Variants in FANCD2 observed in about 807,000 individuals in gnomAD.
The protein encoded by FANCD2 is FA complementation group D2.
A neutral mutation model predicts 192.3 loss-of-function variants in FANCD2; 131 were observed. That is an observed-to-expected ratio of 0.68 (90% CI 0.59 to 0.79). The LOEUF (loss-of-function observed/expected upper bound fraction) is 0.79. FANCD2 is among the 30% of genes least tolerant of loss of function. The pLI, the probability that FANCD2 is intolerant of heterozygous loss-of-function variation, is 0.00. For synonymous variants in FANCD2, 524 were observed against 612.5 expected (o/e 0.86, Z 2.13); for missense variants, 1,508 against 1,701.6 (o/e 0.89, Z 2.00).
chr3:10,064,726 C>T lies in FANCD2; in HGVS notation c.2022-3C>T, dbSNP rs1399691985. 8 of 1,614,096 alleles carry T rather than the reference C, an allele frequency of 5.0e-6. No homozygotes were observed. The highest frequency in any genetic ancestry group is 1.3e-5 in the African/African-American group (1 of 75,060). ...AACATCAGATTCTGGTTTTTCTCCG[C>T]AGTGACTTTCCATTTCCTGTGAAAG... On this transcript the variant is annotated splice_region_variant and splice_polypyrimidine_tract_variant and intron_variant, in intron 22 of 43. Transcript: ENST00000675286.
At chr3:10,056,753 A>AT (rs2125021370) in intron 18 of FANCD2, among the ~76,000 whole-genome samples, 2 of 151,992 alleles carry the variant, frequency 1.3e-5, no homozygotes, top group African/African-American at 4.8e-5. Flanking sequence ...TTGTGGTTTG[A>AT]TTTGCATTTT....
chr3:10,066,684 A>T (rs890022635), intron 25 of FANCD2, among the ~76,000 whole-genome samples: 1 of 152,148 alleles, frequency 6.6e-6, no homozygotes, highest in Admixed American at 6.5e-5. Context: ...CTTGTAACAT[A>T]ACTAGTAATA....
At position 10,101,226 on chromosome 3, in the gene FANCD2, G is replaced by T. The variant is rs778024004; in HGVS notation, c.4320G>T (p.Glu1440Asp). 1 of 1,613,466 alleles carries T rather than the reference G, an allele frequency of 6.2e-7. No individual in the cohort carries two copies. The highest frequency in any genetic ancestry group is 1.1e-5 in the South Asian group (1 of 91,058). The change falls in exon 44 of 44, where the codon GAG (glutamate) becomes GAT (aspartate). Residue 1440 changes from glutamate (E) to aspartate (D), a missense_variant. Around this residue, in one of 5 missense-constraint regions of FANCD2, gnomAD observed 796 missense variants for 879.4 expected, o/e 0.91. Coordinates refer to ENST00000675286, the MANE Select transcript of FANCD2 (RefSeq NM_001018115.3). ...ACGAAGTAAGTGCTGGAGAAAAGGAGCAAGATAGTGATGAGAGTTATGATG... is the reference window on the plus strand; with the variant it reads ...ACGAAGTAAGTGCTGGAGAAAAGGATCAAGATAGTGATGAGAGTTATGATG... ...EEDEVSAGEKEQDSDESYDDS... is the reference protein window; with the variant it reads ...EEDEVSAGEKDQDSDESYDDS...
chr3:10,079,121 G>T (rs1179460876), intron 30 of FANCD2, among the ~76,000 whole-genome samples: 1 of 151,446 alleles, frequency 6.6e-6, no homozygotes. Flanking sequence ...GCGCATGCTT[G>T]TAGTCCCAGG....
intron 26 of FANCD2, among the ~76,000 whole-genome samples, chr3:10,071,218 G>A (rs1023422528): frequency 6.6e-6 from 1 of 151,572 alleles, no homozygotes; most frequent in Non-Finnish European, 1.5e-5. Flanking sequence ...ATGGAGAAAA[G>A]AGAACCTTTG....
chr3:10,041,031 A>G (rs2124988043), intron 9 of FANCD2: 1 of 164,744 alleles, frequency 6.1e-6, no homozygotes, highest in Admixed American at 6.0e-5. Flanking sequence ...CCGTCTTTCA[A>G]AAACATACAA....
intron 26 of FANCD2, among the ~76,000 whole-genome samples, chr3:10,070,104 C>A (rs1290481429): frequency 6.6e-6 from 1 of 151,466 alleles, no homozygotes; most frequent in Non-Finnish European, 1.5e-5. Flanking sequence ...AGCGCCTCTG[C>A]CCGGCCGCGA....
intron 18 of FANCD2, among the ~76,000 whole-genome samples, chr3:10,059,799 CCTT>C (rs2087512029): frequency 1.3e-5 from 2 of 150,692 alleles, no homozygotes; most frequent in African/African-American, 2.5e-5. Context: ...GAGCGAGACT[CCTT>C]CTCAAAGAAA....
At chr3:10,039,549 G>A (rs932321001) in intron 8 of FANCD2, among the ~76,000 whole-genome samples, 172 bp from the exon 9 acceptor site, 1 of 152,148 alleles carries the variant, frequency 6.6e-6, no homozygotes, top group African/African-American at 2.4e-5. Flanking sequence ...AATACGAAGA[G>A]TAGATATCAT....
intron 29 of FANCD2, among the ~76,000 whole-genome samples, chr3:10,075,188 C>CA (rs2125050784): frequency 6.9e-6 from 1 of 145,230 alleles, no homozygotes; most frequent in African/African-American, 2.5e-5. Flanking sequence ...TTATTATTTT[C>CA]TTTTTTTTTT....
rs780304251 is a variant in FANCD2, at chr3:10,088,534, T to C, written c.3552T>C (p.Ala1184=). Residue 1184 remains alanine, a synonymous_variant, in exon 35 of 44, where the codon GCT becomes GCC. Transcript: ENST00000675286. ...KSNISNDQLH[A]LLCIYLEHTE... ...ACATCTCTAATGACCAGCTCCATGCTCTGCTCTGGTGAGATGTTTGGTTTC... is the reference window on the plus strand; with the variant it reads ...ACATCTCTAATGACCAGCTCCATGCCCTGCTCTGGTGAGATGTTTGGTTTC... 4.4e-6 allele frequency: 7 copies of C among 1,599,028 alleles called. No homozygotes were observed. In the Admixed American group the frequency reaches 5.0e-5, roughly 11 times the overall value.
chr3:10,096,450 A>AT lies in FANCD2; in HGVS notation c.4164dup (p.Leu1389SerfsTer9). ...TGTAGAGAGGCTTTCTGGCTGGGCA[A>AT]TCTAAAAAACCGGGACTTGCAGGTA... On this transcript the variant is annotated frameshift_variant, in exon 42 of 44. Transcript: ENST00000675286. LOFTEE classifies it high-confidence loss of function. The AT allele has an allele frequency of 6.2e-7, 1 of 1,614,162 alleles. No individual in the cohort carries two copies. The highest frequency in any genetic ancestry group is 8.5e-7 in the Non-Finnish European group (1 of 1,180,014).
intron 43 of FANCD2, chr3:10,099,228 C>A: frequency 7.4e-7 from 1 of 1,344,142 alleles, no homozygotes; most frequent in Non-Finnish European, 9.6e-7. Flanking sequence ...AGCCAAAGCA[C>A]AGAGTCAGAA....
intron 42 of FANCD2, among the ~76,000 whole-genome samples, chr3:10,097,241 T>C (rs147752638): frequency 6.6e-6 from 1 of 152,334 alleles, no homozygotes; most frequent in East Asian, 1.9e-4. Context: ...ACCACTGTCA[T>C]TGATAACATC....
intron 17 of FANCD2, among the ~76,000 whole-genome samples, chr3:10,051,420 AG>A (rs2087212292): frequency 2.4e-4 from 1 of 4,204 alleles, no homozygotes; most frequent in African/African-American, 1.2e-3. Flanking sequence ...AAAAGGAGTG[AG>A]GGATTTATCT....
intron 12 of FANCD2, 65 bp from the exon 13 acceptor site, chr3:10,043,419 T>G (rs1198144906): frequency 7.5e-7 from 1 of 1,330,192 alleles, no homozygotes; most frequent in Non-Finnish European, 1.1e-6. Context: ...TGGCAGGAAC[T>G]CCGATCTTGT....
At chr3:10,043,241 A>G (rs1226729572) in intron 12 of FANCD2, 91 bp downstream of exon 12, 3 of 939,298 alleles carry the variant, frequency 3.2e-6, no homozygotes, top group Admixed American at 1.9e-5. Context: ...TAATGATACT[A>G]TTATGACATT....
chr3:10,064,975 C>T (rs991758889), intron 23 of FANCD2, 100 bp downstream of exon 23: 67 of 1,292,636 alleles, frequency 5.2e-5, no homozygotes, highest in Non-Finnish European at 6.8e-5. Context: ...AAGTTTCTCT[C>T]GAGACAAATG....
At position 10,046,675 on chromosome 3, in the gene FANCD2, C is replaced by G. The variant is rs768543551; in HGVS notation, c.1230C>G (p.Gly410=). The G allele has an allele frequency of 2.5e-6, 4 of 1,614,200 alleles. No homozygotes were observed. The change falls in exon 15 of 44, where the codon GGC becomes GGG. Residue 410 remains glycine (G), a synonymous_variant. Coordinates refer to ENST00000675286, the MANE Select transcript of FANCD2 (RefSeq NM_001018115.3). Reference sequence around the variant, plus strand: ...TGCTAAGAAATAAGATTCGATCAGGCTGCATTCAAGAACAGCTGCTCCAGA... The same window carrying G: ...TGCTAAGAAATAAGATTCGATCAGGGTGCATTCAAGAACAGCTGCTCCAGA... The part of the protein sequence containing the change: ...DRVLRNKIRS[G]CIQEQLLQST...
Sources: gnomAD v4.1 joint callset for allele counts (sites outside exome capture counted in the v4.1 genomes callset) on GRCh38, gnomAD v4.1.1 for gene constraint, gnomAD v4.1.1 regional missense constraint, MANE v1.5 for transcripts, NCBI Gene and HGNC (gene_info 2026-07-23, HGNC 2026-07-21) for gene names.